The following FEM1A variants were observed in gnomAD, a reference collection of about 807,000 sequenced individuals.
FEM1A encodes fem-1 homolog A, also known as protein fem-1 homolog A.
A neutral mutation model predicts 0.7 loss-of-function variants in FEM1A; 1 was observed. The observed-to-expected ratio is 1.35, with a 90% confidence interval of 0.48 to 6.40. The LOEUF (loss-of-function observed/expected upper bound fraction) is 6.40, where lower values mean the gene tolerates loss of function less well. Ranked by LOEUF, FEM1A falls within the 30% of genes most tolerant of loss-of-function variation. The pLI, the probability that FEM1A is intolerant of heterozygous loss-of-function variation, is 0.14. For missense variants in FEM1A, 721 were observed against 918.7 expected (o/e 0.78, Z 2.78); for synonymous variants, 391 against 420.6 (o/e 0.93, Z 0.86).
rs34120144 is a variant in FEM1A, at chr19:4,795,702, C to CTT, written c.*1852_*1853dup. On this transcript the variant is annotated 3_prime_UTR_variant, in exon 1 of 1. Coordinates refer to ENST00000269856, the MANE Select transcript of FEM1A (RefSeq NM_018708.3). ...GGGGTTTCTGTGTTACATACTGGGG[C>CTT]TTTTTTTTTTTTTTTGAGACAGAGT... The CTT allele has an allele frequency of 1.8e-4, 25 of 137,352 alleles. No homozygotes were observed. The highest frequency in any genetic ancestry group is 3.0e-4 in the African/African-American group (11 of 36,780). The allele number at this position is 137,352 out of a possible 1,614,324, so 8.5% of individuals were successfully genotyped here.
rs543460105 is a variant in FEM1A at position 4,798,197 on chromosome 19, C to A, written c.*4333C>A. Reference sequence around the variant, plus strand: ...GCAGTGAGCCGAGATCGCACCACTGCACTCCAGCCTGGGCGACAGAGCGAG... The same window carrying A: ...GCAGTGAGCCGAGATCGCACCACTGAACTCCAGCCTGGGCGACAGAGCGAG... On this transcript the variant is annotated 3_prime_UTR_variant, in exon 1 of 1. Transcript: ENST00000269856. The A allele has an allele frequency of 6.4e-4, 97 of 151,816 alleles. 1 individual carries two copies. Among genetic ancestry groups the A allele is most frequent in the African/African-American group, 2.3e-3 (97 of 41,352 alleles). The allele number at this position is 151,816 out of a possible 1,614,324, so 9.4% of individuals were successfully genotyped here.
At position 4,799,386 on chromosome 19, in the gene FEM1A, C is replaced by G. The variant is rs918425055; in HGVS notation, c.*5522C>G. 6.5e-6 allele frequency: 1 copy of G among 155,038 alleles called. No homozygotes were observed. Among genetic ancestry groups the G allele is most frequent in the Non-Finnish European group, 1.4e-5 (1 of 70,254 alleles). The allele number at this position is 155,038 out of a possible 1,614,324, so 9.6% of individuals were successfully genotyped here. On this transcript the variant is annotated 3_prime_UTR_variant, in exon 1 of 1. Transcript: ENST00000269856. ...CCGAGATTGCACCACTGCACTCCAGCCTGGGCAACAGAGCAAGACTCTGTC... is the reference window on the plus strand; with the variant it reads ...CCGAGATTGCACCACTGCACTCCAGGCTGGGCAACAGAGCAAGACTCTGTC...
Position 4,793,596 on chromosome 19 carries a change from A to G in FEM1A, c.1742A>G (p.Asn581Ser). ...GADPDSRDFDNNTPLHIAAQN... is the reference protein window; with the variant it reads ...GADPDSRDFDSNTPLHIAAQN... ...GACCCGGACAGCAGGGATTTTGACA[A>G]CAACACCCCGCTACACATAGCAGCC... is the stretch of plus-strand genomic sequence containing the variant. The change falls in exon 1 of 1, where the codon AAC (asparagine) becomes AGC (serine). Residue 581 changes from asparagine to serine, a missense_variant. Physicochemically the swap from Asn to Ser is conservative, Grantham distance 46 (BLOSUM62 1). Around this residue, in one of 4 missense-constraint regions of FEM1A, gnomAD observed 379 missense variants for 454.8 expected, o/e 0.83. Transcript: ENST00000269856. This position sits in a 1 kb window ranked among gnomAD's most constrained non-coding sequence, Gnocchi z 5.1. 3.7e-6 allele frequency: 6 copies of G among 1,612,850 alleles called. No individual in the cohort carries two copies. Among genetic ancestry groups the G allele is most frequent in the Non-Finnish European group, 5.1e-6 (6 of 1,179,856 alleles).
Position 4,794,965 on chromosome 19 carries a change from C to G in FEM1A, c.*1101C>G, listed in dbSNP as rs538680758. 2 of 167,074 alleles carry G rather than the reference C, an allele frequency of 1.2e-5. No individual in the cohort carries two copies. Among genetic ancestry groups the G allele is most frequent in the African/African-American group, 4.8e-5 (2 of 41,536 alleles). The allele number at this position is 167,074 out of a possible 1,614,324, so 10.3% of individuals were successfully genotyped here. A position where few individuals can be genotyped will look rare whatever the true frequency, so the allele number is the denominator to read the frequency against. On this transcript the variant is annotated 3_prime_UTR_variant, in exon 1 of 1. Transcript: ENST00000269856. ...GCCTCTGATTTCATTGTGGGTGCAT[C>G]CACAGGTGGCCCGAGCTGTTCTTTC...
chr19:4,792,035 G>T lies in FEM1A; in HGVS notation c.181G>T (p.Val61Leu). The change falls in exon 1 of 1, where the codon GTG (valine) becomes TTG (leucine). Residue 61 changes from valine (V) to leucine (L), a missense_variant. Coordinates refer to ENST00000269856, the MANE Select transcript of FEM1A (RefSeq NM_018708.3). This position sits in a 1 kb window ranked among gnomAD's most constrained non-coding sequence, Gnocchi z 6.7. ...YGHLDVVEYLVDRCGASVEAG... is the reference protein window; with the variant it reads ...YGHLDVVEYLLDRCGASVEAG... Reference sequence around the variant, plus strand: ...CCACCTGGACGTGGTGGAGTACCTGGTGGACCGGTGCGGCGCGAGCGTGGA... The same window carrying T: ...CCACCTGGACGTGGTGGAGTACCTGTTGGACCGGTGCGGCGCGAGCGTGGA... 6.5e-7 allele frequency: 1 copy of T among 1,539,188 alleles called. No homozygotes were observed. The highest frequency in any genetic ancestry group is 2.4e-5 in the East Asian group (1 of 41,154).
chr19:4,792,093 C>T lies in FEM1A; in HGVS notation c.239C>T (p.Thr80Ile), dbSNP rs776622315. 6.6e-7 allele frequency: 1 copy of T among 1,525,644 alleles called. No individual in the cohort carries two copies. Among genetic ancestry groups the T allele is most frequent in the South Asian group, 1.2e-5 (1 of 83,512 alleles). 94.5% of individuals were successfully genotyped at this position (1,525,644 alleles called of 1,614,324 possible). Residue 80 changes from threonine to isoleucine, a missense_variant, in exon 1 of 1, where the codon ACC (threonine) becomes ATC (isoleucine). By Grantham distance (89) the Thr-to-Ile change is moderately conservative. Around this residue, in one of 4 missense-constraint regions of FEM1A, gnomAD observed 195 missense variants for 316.9 expected, o/e 0.62. Coordinates refer to ENST00000269856, the MANE Select transcript of FEM1A (RefSeq NM_018708.3). This position sits in a 1 kb window ranked among gnomAD's most constrained non-coding sequence, Gnocchi z 6.7. ...GGCTCGGTGCACTTCGATGGCGAGA[C>T]CATCGAGGGCGCGCCGCCGCTGTGG... ...AGGSVHFDGE[T>I]IEGAPPLWAA...
rs544999662 is a variant in FEM1A at position 4,800,208 on chromosome 19, A to G, written c.*6344A>G. 6.6e-6 allele frequency: 1 copy of G among 152,414 alleles called. No individual in the cohort carries two copies. The highest frequency in any genetic ancestry group is 1.5e-5 in the Non-Finnish European group (1 of 68,106). The allele number at this position is 152,414 out of a possible 1,614,324, so 9.4% of individuals were successfully genotyped here. On this transcript the variant is annotated 3_prime_UTR_variant, in exon 1 of 1. Coordinates refer to ENST00000269856, the MANE Select transcript of FEM1A (RefSeq NM_018708.3). Reference sequence around the variant, plus strand: ...AAACAGCCCTCTTAAGAGGAAGGCCATCTTAAAGCTCTACCAGCTTCAGGT... The same window carrying G: ...AAACAGCCCTCTTAAGAGGAAGGCCGTCTTAAAGCTCTACCAGCTTCAGGT...
chr19:4,793,599 A>C lies in FEM1A; in HGVS notation c.1745A>C (p.Asn582Thr), dbSNP rs765522992. The C allele has an allele frequency of 1.6e-5, 26 of 1,612,606 alleles. No individual in the cohort carries two copies. The highest frequency in any genetic ancestry group is 4.5e-5 in the East Asian group (2 of 44,888). ...ADPDSRDFDN[N>T]TPLHIAAQNN... is the part of the protein sequence containing the mutation. The stretch of plus-strand genomic sequence containing the variant: ...CCGGACAGCAGGGATTTTGACAACA[A>C]CACCCCGCTACACATAGCAGCCCAG... Residue 582 changes from asparagine to threonine, a missense_variant, in exon 1 of 1, where the codon AAC becomes ACC. Coordinates refer to ENST00000269856, the MANE Select transcript of FEM1A (RefSeq NM_018708.3). The surrounding 1 kb of genome is among the most constrained non-coding windows in gnomAD (Gnocchi z 5.1).
Position 4,793,883 on chromosome 19 carries a change from A to T in FEM1A, c.*19A>T, listed in dbSNP as rs888311237. 3.5e-5 allele frequency: 55 copies of T among 1,578,970 alleles called. No homozygotes were observed. The highest frequency in any genetic ancestry group is 4.5e-5 in the Non-Finnish European group (52 of 1,163,824). ...GCACTGACCTGCCCAGAACGCCTGC[A>T]CCCTCACCTCTCCCCTCTCCTGCTG... On this transcript the variant is annotated 3_prime_UTR_variant, in exon 1 of 1. Transcript: ENST00000269856. The surrounding 1 kb of genome is among the most constrained non-coding windows in gnomAD (Gnocchi z 5.1).
chr19:4,798,605 C>T lies in FEM1A; in HGVS notation c.*4741C>T, dbSNP rs949536542. The T allele has an allele frequency of 1.3e-5, 2 of 149,326 alleles. No homozygotes were observed. The highest frequency in any genetic ancestry group is 2.9e-5 in the Non-Finnish European group (2 of 67,872). The allele number at this position is 149,326 out of a possible 1,614,324, so 9.3% of individuals were successfully genotyped here. A position where few individuals can be genotyped will look rare whatever the true frequency, so the allele number is the denominator to read the frequency against. ...AGCCTGGGCGACAGAGCACAAGACT[C>T]CATCTCAAAAAAAAAAAAAAGAAAG... On this transcript the variant is annotated 3_prime_UTR_variant, in exon 1 of 1. Transcript: ENST00000269856.
chr19:4,797,924 T>A lies in FEM1A; in HGVS notation c.*4060T>A, dbSNP rs900577325. On this transcript the variant is annotated 3_prime_UTR_variant, in exon 1 of 1. Coordinates refer to ENST00000269856, the MANE Select transcript of FEM1A (RefSeq NM_018708.3). ...TCACACTCCAGCCTGGGCAACAGAGTGAGACCCTGTTTCAAAAAAACAAAG... is the reference window on the plus strand; with the variant it reads ...TCACACTCCAGCCTGGGCAACAGAGAGAGACCCTGTTTCAAAAAAACAAAG... 1 of 144,334 alleles carries A rather than the reference T, an allele frequency of 6.9e-6. No individual in the cohort carries two copies. Among genetic ancestry groups the A allele is most frequent in the Non-Finnish European group, 1.5e-5 (1 of 65,476 alleles). The allele number at this position is 144,334 out of a possible 1,614,324, so 8.9% of individuals were successfully genotyped here. A position where few individuals can be genotyped will look rare whatever the true frequency, so the allele number is the denominator to read the frequency against.
In FEM1A at chr19:4,794,873, C is replaced by T. The variant is rs1274094616; in HGVS notation, c.*1009C>T. ...TTTGCCACCCAGCAAAGAACTGGCA[C>T]AATTGGTTTGGGTCTGCATTGCCAT... On this transcript the variant is annotated 3_prime_UTR_variant, in exon 1 of 1. Transcript: ENST00000269856. The T allele has an allele frequency of 6.0e-6, 1 of 166,904 alleles. No individual in the cohort carries two copies. 10.3% of individuals were successfully genotyped at this position (166,904 alleles called of 1,614,324 possible).
In FEM1A at chr19:4,792,675, GC is replaced by G. The variant is rs746840266; in HGVS notation, c.822del (p.Ser275ProfsTer7). 1 of 1,612,150 alleles carries G rather than the reference GC, an allele frequency of 6.2e-7. No individual in the cohort carries two copies. The highest frequency in any genetic ancestry group is 8.5e-7 in the Non-Finnish European group (1 of 1,179,852). On this transcript the variant is annotated frameshift_variant, in exon 1 of 1. Transcript: ENST00000269856. LOFTEE classifies it low-confidence loss of function (END_TRUNC). The surrounding 1 kb of genome is among the most constrained non-coding windows in gnomAD (Gnocchi z 6.7). The stretch of plus-strand genomic sequence containing the variant: ...CAGCCTCAGGGGGCTCCGTGCTGCA[GC>G]TCCTCCCCAGAGGAACCACTGAACG... ...CAQPQGAPCCSSSPEEPLNGE... is the reference protein window; with the variant it reads ...CAQPQGAPCCXSSPEEPLNGE...
Position 4,791,757 on chromosome 19 carries a change from A to T in FEM1A, c.-98A>T, listed in dbSNP as rs569650990. The T allele has an allele frequency of 2.4e-6, 3 of 1,240,274 alleles. No individual in the cohort carries two copies. In the East Asian group the frequency reaches 8.8e-5, roughly 36 times the overall value. 76.8% of individuals were successfully genotyped at this position (1,240,274 alleles called of 1,614,324 possible). A position where few individuals can be genotyped will look rare whatever the true frequency, so the allele number is the denominator to read the frequency against. On this transcript the variant is annotated 5_prime_UTR_variant, in exon 1 of 1. Coordinates refer to ENST00000269856, the MANE Select transcript of FEM1A (RefSeq NM_018708.3). ...CCGAGGAGACCCTAAGATGGCGGCG[A>T]GGGGGACGGTGAAGGTTGCCTCCCG...
rs1347987851 is a variant in FEM1A, at chr19:4,793,559, G to A, written c.1705G>A (p.Asp569Asn). The A allele has an allele frequency of 5.6e-6, 9 of 1,612,976 alleles. No homozygotes were observed. In the East Asian group the frequency reaches 6.7e-5, roughly 12 times the overall value. The change falls in exon 1 of 1, where the codon GAC (aspartate) becomes AAC (asparagine). Residue 569 changes from aspartate (D) to asparagine (N), a missense_variant. Coordinates refer to ENST00000269856, the MANE Select transcript of FEM1A (RefSeq NM_018708.3). The surrounding 1 kb of genome is among the most constrained non-coding windows in gnomAD (Gnocchi z 5.1). ...PSLHVVKVLL[D>N]CGADPDSRDF... ...CCTGCACGTGGTCAAAGTGCTGCTC[G>A]ACTGCGGGGCCGACCCGGACAGCAG...
In FEM1A at chr19:4,798,318, C is replaced by T. The variant is rs2093564059; in HGVS notation, c.*4454C>T. ...GAGGCTACTAAGAGACATTAAGATG[C>T]TTAAGGACAGCCGGGCGCGGTGGCA... On this transcript the variant is annotated 3_prime_UTR_variant, in exon 1 of 1. Transcript: ENST00000269856. The T allele has an allele frequency of 1.4e-5, 2 of 147,644 alleles. No homozygotes were observed. The highest frequency in any genetic ancestry group is 4.4e-4 in the South Asian group (2 of 4,568). The allele number at this position is 147,644 out of a possible 1,614,324, so 9.1% of individuals were successfully genotyped here.
chr19:4,797,087 C>A lies in FEM1A; in HGVS notation c.*3223C>A, dbSNP rs1024498568. The A allele has an allele frequency of 1.4e-5, 2 of 147,416 alleles. No homozygotes were observed. The highest frequency in any genetic ancestry group is 3.0e-5 in the Non-Finnish European group (2 of 66,902). The allele number at this position is 147,416 out of a possible 1,614,324, so 9.1% of individuals were successfully genotyped here. A position where few individuals can be genotyped will look rare whatever the true frequency, so the allele number is the denominator to read the frequency against. On this transcript the variant is annotated 3_prime_UTR_variant, in exon 1 of 1. Coordinates refer to ENST00000269856, the MANE Select transcript of FEM1A (RefSeq NM_018708.3). ...CAACAGCCCTCTAAAGGAGGAAAAA[C>A]ATATCAGAGTCCCATGGATGGAAGA...
rs2093560854 is a variant in FEM1A at position 4,796,172 on chromosome 19, A to C, written c.*2308A>C. 6.6e-6 allele frequency: 1 copy of C among 151,342 alleles called. No individual in the cohort carries two copies. Among genetic ancestry groups the C allele is most frequent in the South Asian group, 2.1e-4 (1 of 4,790 alleles). 9.4% of individuals were successfully genotyped at this position (151,342 alleles called of 1,614,324 possible). On this transcript the variant is annotated 3_prime_UTR_variant, in exon 1 of 1. Transcript: ENST00000269856. ...CCTTGGGAAGCCTGGGCAACATAGT[A>C]AGACCTCTGTCTCTACATTTTTTTT...
rs745637825 is a variant in FEM1A, at chr19:4,798,611, C to CA, written c.*4761dup. ...GGCGACAGAGCACAAGACTCCATCTCAAAAAAAAAAAAAAGAAAGAAAAAT... is the reference window on the plus strand; with the variant it reads ...GGCGACAGAGCACAAGACTCCATCTCAAAAAAAAAAAAAAAGAAAGAAAAAT... On this transcript the variant is annotated 3_prime_UTR_variant, in exon 1 of 1. Transcript: ENST00000269856. The CA allele has an allele frequency of 0.048, 5,807 of 121,490 alleles. 349 individuals are homozygous for CA. The highest frequency in any genetic ancestry group is 0.15 in the African/African-American group (4,967 of 33,076). The allele number at this position is 121,490 out of a possible 1,614,324, so 7.5% of individuals were successfully genotyped here.
Sources: allele counts gnomAD v4.1 joint callset, GRCh38; gene constraint gnomAD v4.1.1; regional missense constraint gnomAD v4.1.1; non-coding constraint Gnocchi (gnomAD v3.1); transcripts MANE v1.5; gene names NCBI Gene and HGNC (gene_info 2026-07-23, HGNC 2026-07-21).